The following PTPRR variants were observed in gnomAD, a reference collection of about 807,000 sequenced individuals.
PTPRR encodes protein tyrosine phosphatase receptor type R.
In PTPRR, 38 loss-of-function variants were observed where a neutral mutation model predicts 77.2. The ratio of observed to expected loss-of-function variants is 0.49; its 90% CI spans 0.38 to 0.65. The LOEUF (loss-of-function observed/expected upper bound fraction) is 0.65. Among genes scored for constraint, PTPRR ranks in the 30% least tolerant of loss-of-function variants. The pLI is 0.00. For missense variants in PTPRR, 744 were observed against 799.2 expected (o/e 0.93, Z 0.83); for synonymous variants, 299 against 283.1 (o/e 1.06, Z -0.57).
intron 2 of PTPRR, among the ~76,000 whole-genome samples, chr12:70,817,280 A>G (rs1041280152): frequency 6.6e-6 from 1 of 152,224 alleles, no homozygotes; most frequent in Admixed American, 6.5e-5. Flanking sequence ...TAAAAATCAA[A>G]TATTTGCAGA....
At chr12:70,723,315 A>T (rs1017980501) in intron 6 of PTPRR, among the ~76,000 whole-genome samples, 6 of 152,194 alleles carry the variant, frequency 3.9e-5, no homozygotes, top group Non-Finnish European at 4.4e-5. Flanking sequence ...TAAGCAGAAA[A>T]GTTCCAAGAG....
chr12:70,649,457 G>A lies in PTPRR; in HGVS notation c.1880+7247C>T, dbSNP rs140053174. The stretch of plus-strand genomic sequence containing the variant: ...TAAAAAAGAGTAGAAAAGGATAGAG[G>A]AAGGCCTGTGAAGCTCGTATTCTGC... On this transcript the variant is annotated intron_variant, in intron 13 of 13. Transcript: ENST00000283228. 7.4e-3 allele frequency among the ~76,000 whole-genome samples: 1,122 copies of A among 152,266 alleles called. 6 individuals carry two copies. The highest frequency in any genetic ancestry group is 0.061 in the Middle Eastern group (18 of 294).
chr12:70,872,304 G>A (rs1384536792), intron 2 of PTPRR, among the ~76,000 whole-genome samples: 1 of 152,018 alleles, frequency 6.6e-6, no homozygotes, highest in Non-Finnish European at 1.5e-5. Flanking sequence ...CACTGGAAAT[G>A]GTCTTCCTGA....
intron 6 of PTPRR, among the ~76,000 whole-genome samples, chr12:70,740,373 T>G (rs1592721795): frequency 1.8e-4 from 1 of 5,566 alleles, no homozygotes. Flanking sequence ...TATGTTTCTC[T>G]TTTTTTTTTT....
chr12:70,920,104 C>T (rs1893833830), intron 1 of PTPRR, among the ~76,000 whole-genome samples: 1 of 152,090 alleles, frequency 6.6e-6, no homozygotes, highest in African/African-American at 2.4e-5. Context: ...AAAATGTTCA[C>T]TATTTTCGTA....
At chr12:70,836,207 G>A (rs1037020581) in intron 2 of PTPRR, among the ~76,000 whole-genome samples, 1 of 152,024 alleles carries the variant, frequency 6.6e-6, no homozygotes, top group Admixed American at 6.6e-5. Flanking sequence ...ACCCTTGAAT[G>A]GCATGTATGA....
At chr12:70,744,810 C>G (rs1222503296) in intron 6 of PTPRR, among the ~76,000 whole-genome samples, 1 of 152,162 alleles carries the variant, frequency 6.6e-6, no homozygotes, top group Non-Finnish European at 1.5e-5. Context: ...CTTACTCTCC[C>G]ACTACCCTGG....
intron 10 of PTPRR, among the ~76,000 whole-genome samples, chr12:70,666,761 T>C (rs1313599250): frequency 2.0e-5 from 3 of 152,004 alleles, no homozygotes; most frequent in African/African-American, 7.2e-5. Context: ...ATATAAACAA[T>C]GTGATTGACA....
chr12:70,810,956 A>G (rs1444140798), intron 2 of PTPRR, among the ~76,000 whole-genome samples: 1 of 152,194 alleles, frequency 6.6e-6, no homozygotes, highest in Non-Finnish European at 1.5e-5. Context: ...TTATTCTCCT[A>G]AAGAGAAATG....
intron 6 of PTPRR, among the ~76,000 whole-genome samples, chr12:70,709,548 C>G (rs1888745480): frequency 6.6e-6 from 1 of 152,008 alleles, no homozygotes; most frequent in African/African-American, 2.4e-5. Context: ...TGACATGATC[C>G]TGTTTGCAGA....
intron 1 of PTPRR, among the ~76,000 whole-genome samples, chr12:70,913,055 C>G (rs1184943520): frequency 6.6e-6 from 1 of 152,112 alleles, no homozygotes; most frequent in Non-Finnish European, 1.5e-5. Flanking sequence ...TAACAATAAA[C>G]TTGCCATAAA....
chr12:70,896,390 G>T (rs1430817583), intron 1 of PTPRR, among the ~76,000 whole-genome samples: 1 of 151,488 alleles, frequency 6.6e-6, no homozygotes, highest in East Asian at 1.9e-4. Context: ...GATTTAATAG[G>T]TGTTTATAGA....
At chr12:70,884,638 C>T (rs570275363) in intron 2 of PTPRR, among the ~76,000 whole-genome samples, 9 of 151,814 alleles carry the variant, frequency 5.9e-5, no homozygotes, top group Non-Finnish European at 1.3e-4. Flanking sequence ...AAGGCCGAGG[C>T]GGGCGGATCA....
intron 4 of PTPRR, among the ~76,000 whole-genome samples, chr12:70,759,413 A>G (rs1470509335): frequency 6.6e-6 from 1 of 152,172 alleles, no homozygotes; most frequent in East Asian, 1.9e-4. Flanking sequence ...ACGGGAACAC[A>G]GGGTAAGGAG....
chr12:70,895,685 C>G (rs1893416089), intron 1 of PTPRR, among the ~76,000 whole-genome samples: 1 of 151,630 alleles, frequency 6.6e-6, no homozygotes, highest in Non-Finnish European at 1.5e-5. Flanking sequence ...AGCATAATCT[C>G]TATAGATGTA....
At chr12:70,805,832 G>T (rs969337075) in intron 2 of PTPRR, among the ~76,000 whole-genome samples, 4 of 152,110 alleles carry the variant, frequency 2.6e-5, no homozygotes, top group African/African-American at 9.7e-5. Flanking sequence ...TTTAAACTGT[G>T]GCAGTTTGAC....
rs547534560 is a variant in PTPRR at position 70,696,388 on chromosome 12, G to A, written c.1279+1877C>T. ...CCTGGCATTCAGGTCATTGCTTGAC[G>A]TTAATAAATTCCATGAAGCTCAATC... On this transcript the variant is annotated intron_variant, in intron 8 of 13. Coordinates refer to ENST00000283228, the MANE Select transcript of PTPRR (RefSeq NM_002849.4). 6.6e-5 allele frequency among the ~76,000 whole-genome samples: 10 copies of A among 152,182 alleles called. No individual in the cohort carries two copies. In the South Asian group the frequency reaches 1.9e-3, roughly 28 times the overall value.
chr12:70,783,487 T>G (rs71454294), intron 2 of PTPRR, among the ~76,000 whole-genome samples: 1,524 of 152,202 alleles, frequency 0.01, 16 homozygotes, highest in Non-Finnish European at 0.015. Context: ...GGATAGCTCC[T>G]GTCTGCAGCT....
intron 6 of PTPRR, among the ~76,000 whole-genome samples, chr12:70,715,880 C>T (rs2136827747): frequency 6.6e-6 from 1 of 152,254 alleles, no homozygotes. Flanking sequence ...ATACATCCTT[C>T]TCAGCTGACA....
Sources: allele counts gnomAD v4.1 joint callset (sites outside exome capture counted in the v4.1 genomes callset), GRCh38; gene constraint gnomAD v4.1.1; transcripts MANE v1.5; gene names NCBI Gene and HGNC (gene_info 2026-07-23, HGNC 2026-07-21).